Variants in ATP8B3 observed in about 807,000 individuals in gnomAD.
ATP8B3 encodes the protein ATPase phospholipid transporting 8B3.
A neutral mutation model predicts 140.9 loss-of-function variants in ATP8B3; 141 were observed. The observed-to-expected ratio is 1.00, with a 90% CI of 0.87 to 1.15. ATP8B3 has a LOEUF of 1.15. Ranked by LOEUF, ATP8B3 falls within the 50% of genes most tolerant of loss-of-function variation. The pLI, the probability that ATP8B3 is intolerant of heterozygous loss-of-function variation, is 0.00. For synonymous variants in ATP8B3, 765 were observed against 714.6 expected (o/e 1.07, Z -1.13); for missense variants, 1,874 against 1,740.6 (o/e 1.08, Z -1.36).
At chr19:1,793,397 G>T (rs990202228) in intron 18 of ATP8B3, among the ~76,000 whole-genome samples, 1 of 152,172 alleles carries the variant, frequency 6.6e-6, no homozygotes, top group Non-Finnish European at 1.5e-5. Flanking sequence ...CACCACACCT[G>T]GCCTGCATGG....
rs974536818 is a variant in ATP8B3 at position 1,808,137 on chromosome 19, C to T, written c.516+85G>A. 8.1e-5 allele frequency: 91 copies of T among 1,125,700 alleles called. No individual in the cohort carries two copies. The African/African-American group carries it at 9.0e-4, about 11-fold the overall frequency. The allele number at this position is 1,125,700 out of a possible 1,614,324, so 69.7% of individuals were successfully genotyped here. A position where few individuals can be genotyped will look rare whatever the true frequency, so the allele number is the denominator to read the frequency against. ...GGGTCCCAGTCTGTGGGGAGTGGGA[C>T]GTGAACCCACCCATCACACAGACAA... On this transcript the variant is annotated intron_variant, in intron 5 of 28. Transcript: ENST00000310127.
At chr19:1,793,990 C>T (rs556593722) in intron 18 of ATP8B3, among the ~76,000 whole-genome samples, 1 of 151,888 alleles carries the variant, frequency 6.6e-6, no homozygotes, top group Non-Finnish European at 1.5e-5. Context: ...GATCTGCCCG[C>T]CTCCCAAAGC....
chr19:1,806,640 A>T lies in ATP8B3; in HGVS notation c.665T>A (p.Leu222Gln). The T allele has an allele frequency of 1.3e-6, 2 of 1,560,208 alleles. No individual in the cohort carries two copies. The highest frequency in any genetic ancestry group is 1.7e-6 in the Non-Finnish European group (2 of 1,152,310). Residue 222 changes from leucine to glutamine, a missense_variant, in exon 7 of 29, where the codon CTG (leucine) becomes CAG (glutamine). Leu to Gln is a moderately radical substitution (Grantham distance 113, BLOSUM62 -2). This residue lies in a region of ATP8B3 where 1,032 missense variants were observed against 963.6 expected (regional missense o/e 1.07). Coordinates refer to ENST00000310127, the MANE Select transcript of ATP8B3 (RefSeq NM_138813.4). The surrounding 1 kb of genome is among the most constrained non-coding windows in gnomAD (Gnocchi z 5.6). ...GCCCCAGCCTCACCTCTTCCCCATC[A>T]GAATCTGGCAGGGTCTGTTGTTGAT... ...RAINNRPCQILMGKSFKQKKW... is the reference protein window; with the variant it reads ...RAINNRPCQIQMGKSFKQKKW...
Position 1,811,605 on chromosome 19 carries a change from G to A in ATP8B3, c.132C>T (p.Arg44=), listed in dbSNP as rs768597611. Residue 44 remains arginine, a synonymous_variant, in exon 2 of 29, where the codon CGC becomes CGT. Coordinates refer to ENST00000310127, the MANE Select transcript of ATP8B3 (RefSeq NM_138813.4). ...CAGCTCTGATCACCGTCTCACCTCC[G>A]CGGATGCCAGCAGGACCTGAGCCTT... ...TQEGSGPAGI[R]GGETVIRAGM... 36 of 1,611,946 alleles carry A rather than the reference G, an allele frequency of 2.2e-5. No individual in the cohort carries two copies. The highest frequency in any genetic ancestry group is 2.6e-5 in the Non-Finnish European group (31 of 1,179,774).
In ATP8B3 at chr19:1,806,092, C is replaced by A; in HGVS notation, c.750+5G>T. On this transcript the variant is annotated splice_donor_5th_base_variant and intron_variant, in intron 8 of 28. Coordinates refer to ENST00000310127, the MANE Select transcript of ATP8B3 (RefSeq NM_138813.4). This position sits in a 1 kb window ranked among gnomAD's most constrained non-coding sequence, Gnocchi z 5.6. The stretch of plus-strand genomic sequence containing the variant: ...TCTGGGACCTCGGGGTCAACCCCAG[C>A]TCACTGGGACGATGTTGTCCTTGCG... 6.2e-7 allele frequency: 1 copy of A among 1,601,498 alleles called. No individual in the cohort carries two copies. The highest frequency in any genetic ancestry group is 8.5e-7 in the Non-Finnish European group (1 of 1,174,574).
intron 24 of ATP8B3, among the ~76,000 whole-genome samples, chr19:1,787,602 G>A (rs942077274): frequency 7.2e-5 from 11 of 151,880 alleles, no homozygotes; most frequent in African/African-American, 2.4e-4. Context: ...GGTAGCAGGC[G>A]CCTGTAATCC....
At position 1,799,927 on chromosome 19, in the gene ATP8B3, C is replaced by G. The variant is rs2068788736; in HGVS notation, c.1552+20G>C. Reference sequence around the variant, plus strand: ...TGAAGATCGAGGACCCAGCTGGGAGCTCAGGTGTCGGGGCCGCACCATAGA... The same window carrying G: ...TGAAGATCGAGGACCCAGCTGGGAGGTCAGGTGTCGGGGCCGCACCATAGA... On this transcript the variant is annotated intron_variant, in intron 14 of 28. Coordinates refer to ENST00000310127, the MANE Select transcript of ATP8B3 (RefSeq NM_138813.4). 12 of 1,575,036 alleles carry G rather than the reference C, an allele frequency of 7.6e-6. No homozygotes were observed. In the South Asian group the frequency reaches 1.3e-4, roughly 17 times the overall value.
In ATP8B3 at chr19:1,785,265, C is replaced by T. The variant is rs1600386342; in HGVS notation, c.3426G>A (p.Leu1142=). Reference sequence around the variant, plus strand: ...GGCTGAGGAGGATGGTCGCCACGCACAGGGCGGTCCAGTACTTGATGATAA... The same window carrying T: ...GGCTGAGGAGGATGGTCGCCACGCATAGGGCGGTCCAGTACTTGATGATAA... The part of the protein sequence containing the change: ...VILIIKYWTA[L]CVATILLSLG... The change falls in exon 27 of 29, where the codon CTG becomes CTA. Residue 1142 remains leucine (L), a synonymous_variant. Coordinates refer to ENST00000310127, the MANE Select transcript of ATP8B3 (RefSeq NM_138813.4). 1 of 1,608,766 alleles carries T rather than the reference C, an allele frequency of 6.2e-7. No individual in the cohort carries two copies. The highest frequency in any genetic ancestry group is 8.5e-7 in the Non-Finnish European group (1 of 1,177,734).
intron 24 of ATP8B3, among the ~76,000 whole-genome samples, chr19:1,787,700 G>C (rs1458739702): frequency 2.2e-5 from 3 of 138,824 alleles, no homozygotes. Context: ...TTGCACTCCA[G>C]CCTGGGCAAC....
intron 1 of ATP8B3, 55 bp from the exon 2 acceptor site, chr19:1,811,939 T>G: frequency 1.6e-6 from 1 of 613,084 alleles, no homozygotes; most frequent in Non-Finnish European, 2.7e-6. Context: ...CCTCACTAAC[T>G]GGGATGCCCC....
At chr19:1,791,534 C>T (rs577761211) in intron 20 of ATP8B3, among the ~76,000 whole-genome samples, 6 of 152,112 alleles carry the variant, frequency 3.9e-5, no homozygotes, top group South Asian at 2.1e-4. Context: ...ATTACAGATG[C>T]GCACCACCAC....
intron 15 of ATP8B3, 41 bp downstream of exon 15, chr19:1,796,933 G>A (rs745692543): frequency 6.9e-5 from 112 of 1,612,112 alleles, no homozygotes; most frequent in Middle Eastern, 4.9e-4. Context: ...CCCGTGCCCC[G>A]TCCCCCTCAC....
In ATP8B3 at chr19:1,789,733, C is replaced by T. The variant is rs2068431133; in HGVS notation, c.2479-6G>A. On this transcript the variant is annotated splice_region_variant and splice_polypyrimidine_tract_variant and intron_variant, in intron 22 of 28. Coordinates refer to ENST00000310127, the MANE Select transcript of ATP8B3 (RefSeq NM_138813.4). ...AGGGACACCAGCAGTTTGTCCTGGC[C>T]GGCGGGGAGGGGGCTGTGCCAGGCG... 5.8e-6 allele frequency: 9 copies of T among 1,553,590 alleles called. No individual in the cohort carries two copies. The highest frequency in any genetic ancestry group is 1.8e-5 in the Admixed American group (1 of 54,952).
At chr19:1,790,193 C>A in intron 21 of ATP8B3, among the ~76,000 whole-genome samples, 1 of 104,414 alleles carries the variant, frequency 9.6e-6, no homozygotes, top group South Asian at 3.8e-4. Context: ...CTCCCCCACC[C>A]CTGCCCCTCC....
rs1456853777 is a variant in ATP8B3 at position 1,794,407 on chromosome 19, C to CATCCT, written c.2055+1463_2055+1467dup. Among the ~76,000 whole-genome samples, 2 of 152,286 alleles carry CATCCT rather than the reference C, an allele frequency of 1.3e-5. No individual in the cohort carries two copies. Among genetic ancestry groups the CATCCT allele is most frequent in the East Asian group, 3.9e-4 (2 of 5,170 alleles). On this transcript the variant is annotated intron_variant, in intron 18 of 28. Coordinates refer to ENST00000310127, the MANE Select transcript of ATP8B3 (RefSeq NM_138813.4). The surrounding 1 kb of genome is among the most constrained non-coding windows in gnomAD (Gnocchi z 4.8). ...GCACTTCCAGTTCAGAGTGCCCCCA[C>CATCCT]ATCCTGGCAGAGCAGGGGACACAGG...
chr19:1,807,272 G>A lies in ATP8B3; in HGVS notation c.517-6C>T, dbSNP rs368808521. On this transcript the variant is annotated splice_region_variant and splice_polypyrimidine_tract_variant and intron_variant, in intron 5 of 28. Transcript: ENST00000310127. This position sits in a 1 kb window ranked among gnomAD's most constrained non-coding sequence, Gnocchi z 5.9. The stretch of plus-strand genomic sequence containing the variant: ...GTGGAGATGTCGGGAATGCTCTGAC[G>A]TGAGGGGGCCACAGGAAGGGTCACA... 104 of 1,608,790 alleles carry A rather than the reference G, an allele frequency of 6.5e-5. No individual in the cohort carries two copies. The highest frequency in any genetic ancestry group is 4.3e-4 in the African/African-American group (32 of 74,636).
Position 1,792,126 on chromosome 19 carries a change from G to A in ATP8B3, c.2065C>T (p.Gln689Ter). 1 of 1,577,648 alleles carries A rather than the reference G, an allele frequency of 6.3e-7. No individual in the cohort carries two copies. The highest frequency in any genetic ancestry group is 1.3e-5 in the African/African-American group (1 of 74,480). The change falls in exon 19 of 29, where the codon CAG (glutamine) becomes TAG (stop). Residue 689 changes from glutamine to a stop codon, truncating the protein, a stop_gained. Coordinates refer to ENST00000310127, the MANE Select transcript of ATP8B3 (RefSeq NM_138813.4). LOFTEE classifies it high-confidence loss of function. Reference protein sequence around the residue: ...ATEEALAAFAQETLRTLCLAY... With the variant: ...ATEEALAAFA ...AGGCACAGTGTCCGCAGGGTCTCCT[G>A]GGCAAAGGCCTGGGGGCCGGGCAGG...
intron 14 of ATP8B3, 105 bp downstream of exon 14, chr19:1,799,842 G>T: frequency 8.5e-7 from 1 of 1,171,806 alleles, no homozygotes; most frequent in Non-Finnish European, 1.2e-6. Flanking sequence ...TTCAGATTCG[G>T]GCGGAGGTGC....
At chr19:1,790,974 G>C in intron 20 of ATP8B3, 142 bp from the exon 21 acceptor site, 1 of 719,220 alleles carries the variant, frequency 1.4e-6, no homozygotes, top group Non-Finnish European at 2.3e-6. Flanking sequence ...TTGGTTCAGA[G>C]AAGGGCTTGT....
Sources: gnomAD v4.1 joint callset for allele counts (sites outside exome capture counted in the v4.1 genomes callset) on GRCh38, gnomAD v4.1.1 for gene constraint, gnomAD v4.1.1 regional missense constraint, Gnocchi (gnomAD v3.1) non-coding constraint, MANE v1.5 for transcripts, NCBI Gene and HGNC (gene_info 2026-07-23, HGNC 2026-07-21) for gene names.